The following ASXL2 variants were observed in gnomAD, a reference collection of about 807,000 sequenced individuals.
The protein encoded by ASXL2 is ASXL transcriptional regulator 2, also known as putative Polycomb group protein ASXL2.
ASXL2 carries 23 observed loss-of-function variants against 122.0 expected under a neutral mutation model. The observed-to-expected ratio is 0.19, with a 90% CI of 0.14 to 0.27. ASXL2 has a LOEUF of 0.27. Among genes scored for constraint, ASXL2 ranks in the 10% least tolerant of loss-of-function variants. The pLI, the probability that ASXL2 is intolerant of heterozygous loss-of-function variation, is 1.00. For missense variants in ASXL2, 1,518 were observed against 1,713.8 expected (o/e 0.89, Z 2.02); for synonymous variants, 650 against 637.0 (o/e 1.02, Z -0.31).
In ASXL2 at chr2:25,770,976, G is replaced by A. The variant is rs184270271; in HGVS notation, c.504+464C>T. 1.2e-4 allele frequency among the ~76,000 whole-genome samples: 19 copies of A among 152,296 alleles called. No homozygotes were observed. The East Asian group carries it at 3.3e-3, about 26-fold the overall frequency. The stretch of plus-strand genomic sequence containing the variant: ...CTACCGGCCAGGTGCGGTGGCACAC[G>A]CCTGTAATCCCAGCACCTTGGGAGG... On this transcript the variant is annotated intron_variant, in intron 6 of 12. Coordinates refer to ENST00000435504, the MANE Select transcript of ASXL2 (RefSeq NM_018263.6).
intron 1 of ASXL2, among the ~76,000 whole-genome samples, chr2:25,854,238 A>T (rs1312335490): frequency 1.3e-5 from 2 of 152,192 alleles, no homozygotes; most frequent in Non-Finnish European, 2.9e-5. Context: ...AAAGCTCTCA[A>T]CCAAACTCTC....
At chr2:25,805,714 C>T (rs1263149856) in intron 4 of ASXL2, among the ~76,000 whole-genome samples, 5 of 152,000 alleles carry the variant, frequency 3.3e-5, no homozygotes, top group Admixed American at 2.0e-4. Flanking sequence ...CTCACTCTGT[C>T]GCCCAGGCTG....
chr2:25,857,012 CAT>C, intron 1 of ASXL2: 1 of 194,742 alleles, frequency 5.1e-6, no homozygotes, highest in Admixed American at 7.7e-5. Flanking sequence ...TTCTTCATCA[CAT>C]GTCTAATTTT....
rs1559510304 is a variant in ASXL2 at position 25,784,100 on chromosome 2, T to TAAATAA, written c.404-12561_404-12560insTTATTT. On this transcript the variant is annotated intron_variant, in intron 5 of 12. Coordinates refer to ENST00000435504, the MANE Select transcript of ASXL2 (RefSeq NM_018263.6). Reference sequence around the variant, plus strand: ...AAATAAATAAATAAATAAATAAATATAAAGTTAGCCAGGTGCGGTGGCGTG... The same window carrying TAAATAA: ...AAATAAATAAATAAATAAATAAATATAAATAAAAAGTTAGCCAGGTGCGGTGGCGTG... 5.6e-5 allele frequency among the ~76,000 whole-genome samples: 7 copies of TAAATAA among 124,452 alleles called. No homozygotes were observed. The East Asian group carries it at 1.2e-3, about 21-fold the overall frequency. The allele number at this position is 124,452 out of a possible 152,430, so 81.6% of individuals were successfully genotyped here.
intron 5 of ASXL2, among the ~76,000 whole-genome samples, chr2:25,773,234 C>A (rs1159702034): frequency 6.6e-6 from 1 of 151,280 alleles, no homozygotes; most frequent in South Asian, 2.1e-4. Context: ...GCTGACTTAT[C>A]GTCATACTTA....
rs1353957473 is a variant in ASXL2, at chr2:25,767,674, T to C, written c.684A>G (p.Ser228=). ...SDGQTGSPQN[S]NSSFSSSVKV... is the part of the protein sequence containing the mutation. ...TAACTGAGGAAGAAAAGCTGGAGTT[T>C]GAGTTTTGAGGGCTGCCTGTCTGTC... Residue 228 remains serine, a synonymous_variant, in exon 8 of 13, where the codon TCA becomes TCG. Transcript: ENST00000435504. 1 of 1,613,536 alleles carries C rather than the reference T, an allele frequency of 6.2e-7. No individual in the cohort carries two copies. Among genetic ancestry groups the C allele is most frequent in the Non-Finnish European group, 8.5e-7 (1 of 1,179,500 alleles).
At chr2:25,771,640 A>C in intron 5 of ASXL2, 100 bp from the exon 6 acceptor site, 1 of 923,040 alleles carries the variant, frequency 1.1e-6, no homozygotes, top group Non-Finnish European at 1.6e-6. Flanking sequence ...AAGAACTATG[A>C]CCAAACACTT....
At chr2:25,863,647 C>A (rs758292275) in intron 1 of ASXL2, among the ~76,000 whole-genome samples, 2 of 151,700 alleles carry the variant, frequency 1.3e-5, no homozygotes, top group Admixed American at 6.6e-5. Flanking sequence ...GAGCCGAGAT[C>A]GCGCCACTGC....
At chr2:25,820,625 TGA>T (rs1004262315) in intron 3 of ASXL2, among the ~76,000 whole-genome samples, 2 of 152,168 alleles carry the variant, frequency 1.3e-5, no homozygotes, top group Non-Finnish European at 2.9e-5. Context: ...GTATCCAGTA[TGA>T]GAGATCTCAC....
rs1559510977 is a variant in ASXL2, at chr2:25,786,240, A to ATTTTTTTTTTTTT, written c.403+13144_403+13145insAAAAAAAAAAAAA. 1.0e-3 allele frequency among the ~76,000 whole-genome samples: 42 copies of ATTTTTTTTTTTTT among 41,492 alleles called. 1 individual carries two copies. Among genetic ancestry groups the ATTTTTTTTTTTTT allele is most frequent in the East Asian group, 4.2e-3 (2 of 472 alleles). The allele number at this position is 41,492 out of a possible 152,430, so 27.2% of individuals were successfully genotyped here. ...TACAAACAACCTACTACTCCACATC[A>ATTTTTTTTTTTTT]TTCTTTTTTTTTTTTTTTTGAGATG... is the stretch of plus-strand genomic sequence containing the variant. On this transcript the variant is annotated intron_variant, in intron 5 of 12. Transcript: ENST00000435504.
rs2087784309 is a variant in ASXL2, at chr2:25,739,118, A to T, written c.*2911T>A. 1 of 152,314 alleles carries T rather than the reference A, an allele frequency of 6.6e-6. No homozygotes were observed. The highest frequency in any genetic ancestry group is 2.1e-4 in the South Asian group (1 of 4,836). 9.4% of individuals were successfully genotyped at this position (152,314 alleles called of 1,614,324 possible). A position where few individuals can be genotyped will look rare whatever the true frequency, so the allele number is the denominator to read the frequency against. On this transcript the variant is annotated 3_prime_UTR_variant, in exon 13 of 13. Transcript: ENST00000435504. ...CCTGGGGTGACCTGCAGTGGAGGAC[A>T]TCTGAAGGCTAGATAGGGGTGCACG...
chr2:25,790,337 G>T (rs1224419550), intron 5 of ASXL2, among the ~76,000 whole-genome samples: 1 of 143,920 alleles, frequency 6.9e-6, no homozygotes, highest in Non-Finnish European at 1.5e-5. Flanking sequence ...TGGGGGGGGT[G>T]TGAGAAGCGC....
chr2:25,823,244 T>C (rs1191363717), intron 3 of ASXL2, among the ~76,000 whole-genome samples: 1 of 152,150 alleles, frequency 6.6e-6, no homozygotes, highest in Non-Finnish European at 1.5e-5. Flanking sequence ...TTGTGATAAA[T>C]AAAAACATCT....
At chr2:25,869,399 T>G (rs922131719) in intron 1 of ASXL2, among the ~76,000 whole-genome samples, 1 of 152,094 alleles carries the variant, frequency 6.6e-6, no homozygotes, top group East Asian at 1.9e-4. Flanking sequence ...AAAAAAAGAT[T>G]TAGCATTCCT....
At chr2:25,812,748 C>G (rs73922466) in intron 3 of ASXL2, among the ~76,000 whole-genome samples, 14,459 of 152,166 alleles carry the variant, frequency 0.095, 885 homozygotes, top group African/African-American at 0.17. Context: ...CATCAAAGCA[C>G]TGAAAAATGA....
chr2:25,864,037 A>C (rs1175797767), intron 1 of ASXL2, among the ~76,000 whole-genome samples: 1 of 151,892 alleles, frequency 6.6e-6, no homozygotes, highest in Non-Finnish European at 1.5e-5. Flanking sequence ...AAATAAAATA[A>C]AAATAGAAGT....
At position 25,742,081 on chromosome 2, in the gene ASXL2, T is replaced by C; in HGVS notation, c.4256A>G (p.Asp1419Gly). 2 of 1,613,980 alleles carry C rather than the reference T, an allele frequency of 1.2e-6. No homozygotes were observed. The highest frequency in any genetic ancestry group is 1.7e-6 in the Non-Finnish European group (2 of 1,179,890). ...CAGTTTGGAGGGGCCGATGCAATCATCATGGCAGAAAGCGCCACAGCCTTT... is the reference window on the plus strand; with the variant it reads ...CAGTTTGGAGGGGCCGATGCAATCACCATGGCAGAAAGCGCCACAGCCTTT... ...MCKGCGAFCH[D>G]DCIGPSKLCV... Residue 1419 changes from aspartate (D) to glycine (G), a missense_variant, in exon 13 of 13, where the codon GAT becomes GGT. Asp to Gly is a moderately conservative substitution (Grantham distance 94). Coordinates refer to ENST00000435504, the MANE Select transcript of ASXL2 (RefSeq NM_018263.6).
chr2:25,840,800 T>C (rs2089570557), intron 2 of ASXL2, among the ~76,000 whole-genome samples: 1 of 152,216 alleles, frequency 6.6e-6, no homozygotes, highest in Non-Finnish European at 1.5e-5. Flanking sequence ...ACCACTTTAA[T>C]AAATTTTAAA....
rs372739880 is a variant in ASXL2 at position 25,753,803 on chromosome 2, A to G, written c.1037-164T>C. The stretch of plus-strand genomic sequence containing the variant: ...TGTAAAGGAGGACCTAAATGCCATT[A>G]GGTGAAATAAAAATATGTTTGCACA... On this transcript the variant is annotated intron_variant, in intron 10 of 12. Transcript: ENST00000435504. 1.1e-4 allele frequency among the ~76,000 whole-genome samples: 16 copies of G among 152,344 alleles called. No individual in the cohort carries two copies. The South Asian group carries it at 2.7e-3, about 26-fold the overall frequency.
Sources: gnomAD v4.1 joint callset for allele counts (sites outside exome capture counted in the v4.1 genomes callset) on GRCh38, gnomAD v4.1.1 for gene constraint, MANE v1.5 for transcripts, NCBI Gene and HGNC (gene_info 2026-07-23, HGNC 2026-07-21) for gene names.